The following EYA1 variants were observed in gnomAD, a reference collection of about 807,000 sequenced individuals.
EYA1 encodes the protein protein phosphatase EYA1.
In EYA1, 16 loss-of-function variants were observed where a neutral mutation model predicts 82.0. The observed-to-expected ratio is 0.20, with a 90% confidence interval of 0.13 to 0.30. The LOEUF (loss-of-function observed/expected upper bound fraction) is 0.30, where lower values mean the gene tolerates loss of function less well. EYA1 is among the 10% of genes least tolerant of loss of function. The probability of loss-of-function intolerance (pLI) is 1.00; values close to 1 mark genes in which losing one functional copy is unlikely to be tolerated. For synonymous variants in EYA1, 261 were observed against 264.4 expected, an observed-to-expected ratio of 0.99 and a Z score of 0.12; for missense variants, 633 against 730.7, an observed-to-expected ratio of 0.87 and a Z score of 1.54.
rs954928097 is a variant in EYA1, at chr8:71,299,521, G to A, written c.639+117C>T. ...AAGACTGCTAAAGTGAATTTTAAAAGAAAACTACTAAAAGCCTTAGGAAAG... is the reference window on the plus strand; with the variant it reads ...AAGACTGCTAAAGTGAATTTTAAAAAAAAACTACTAAAAGCCTTAGGAAAG... On this transcript the variant is annotated intron_variant, in intron 8 of 17. Coordinates refer to ENST00000340726, the MANE Select transcript of EYA1 (RefSeq NM_000503.6). 9.2e-6 allele frequency: 7 copies of A among 763,352 alleles called. No individual in the cohort carries two copies. In the African/African-American group the frequency reaches 1.2e-4, roughly 13 times the overall value. The allele number at this position is 763,352 out of a possible 1,614,324, so 47.3% of individuals were successfully genotyped here.
At chr8:71,229,808 T>C (rs896083854) in intron 12 of EYA1, among the ~76,000 whole-genome samples, 19 of 152,230 alleles carry the variant, frequency 1.2e-4, no homozygotes, top group African/African-American at 4.3e-4. Flanking sequence ...GATGATATCT[T>C]GGACAGAAGA....
intron 2 of EYA1, among the ~76,000 whole-genome samples, chr8:71,423,916 A>G (rs1009753128): frequency 1.2e-4 from 18 of 152,366 alleles, no homozygotes; most frequent in Non-Finnish European, 1.2e-4. Context: ...GGATCACTCC[A>G]GCTAGTAAAT....
chr8:71,237,688 T>A (rs1210314273), intron 12 of EYA1, among the ~76,000 whole-genome samples: 2 of 152,220 alleles, frequency 1.3e-5, no homozygotes, highest in Non-Finnish European at 2.9e-5. Context: ...ATTTATGCAA[T>A]ATATATTTAC....
At chr8:71,352,767 A>G (rs76627814) in intron 3 of EYA1, among the ~76,000 whole-genome samples, 5,884 of 152,314 alleles carry the variant, frequency 0.039, 353 homozygotes, top group African/African-American at 0.13. Flanking sequence ...CCTAAATATG[A>G]ATGTGATATC....
chr8:71,360,967 G>A (rs1159252159), intron 1 of EYA1, among the ~76,000 whole-genome samples: 1 of 152,112 alleles, frequency 6.6e-6, no homozygotes, highest in Non-Finnish European at 1.5e-5. Context: ...ATTTTAAATG[G>A]TAATTCAAAA....
At chr8:71,298,722 T>C (rs1036052745) in intron 9 of EYA1, among the ~76,000 whole-genome samples, 4 of 152,230 alleles carry the variant, frequency 2.6e-5, no homozygotes, top group Non-Finnish European at 4.4e-5. Context: ...TTATGCTCTA[T>C]ATGTGGTGCC....
At chr8:71,406,099 T>A (rs958553843) in intron 2 of EYA1, among the ~76,000 whole-genome samples, 1 of 152,208 alleles carries the variant, frequency 6.6e-6, no homozygotes, top group African/African-American at 2.4e-5. Context: ...CCACTACATA[T>A]GTGCAGTTTT....
At chr8:71,419,715 C>T (rs1266275550) in intron 2 of EYA1, among the ~76,000 whole-genome samples, 2 of 151,976 alleles carry the variant, frequency 1.3e-5, no homozygotes, top group Admixed American at 1.3e-4. Context: ...CTAATATTAA[C>T]ATTTTAATAT....
intron 9 of EYA1, 38 bp from the exon 10 acceptor site, chr8:71,271,935 C>T: frequency 6.2e-7 from 1 of 1,612,864 alleles, no homozygotes; most frequent in Non-Finnish European, 8.5e-7. Flanking sequence ...CTTTTATTTC[C>T]ATCACCATGG....
At chr8:71,346,431 A>AATATATATAATATATAT (rs770393582) in intron 3 of EYA1, among the ~76,000 whole-genome samples, 41 of 105,384 alleles carry the variant, frequency 3.9e-4, no homozygotes, top group African/African-American at 1.4e-3. Context: ...TACTGCAGTG[A>AATATATATAATATATAT]ATATATATAT....
At chr8:71,317,764 A>C (rs923872273) in intron 6 of EYA1, 75 bp from the exon 7 acceptor site, 8 of 1,397,658 alleles carry the variant, frequency 5.7e-6, no homozygotes, top group Non-Finnish European at 8.1e-6. Context: ...ATACACTTCC[A>C]CAACCGTTTA....
At chr8:71,530,533 G>C (rs1185497611) in intron 2 of EYA1, among the ~76,000 whole-genome samples, 1 of 152,108 alleles carries the variant, frequency 6.6e-6, no homozygotes, top group Non-Finnish European at 1.5e-5. Context: ...TTATCTAAAA[G>C]TTTCACTTAC....
At chr8:71,283,175 C>G (rs544247822) in intron 9 of EYA1, among the ~76,000 whole-genome samples, 1 of 152,100 alleles carries the variant, frequency 6.6e-6, no homozygotes, top group Non-Finnish European at 1.5e-5. Context: ...GACTTCTTTG[C>G]TCTTGCTGAA....
At chr8:71,382,975 TA>T (rs1379661523) in intron 2 of EYA1, among the ~76,000 whole-genome samples, 1 of 152,122 alleles carries the variant, frequency 6.6e-6, no homozygotes, top group Non-Finnish European at 1.5e-5. Context: ...AATTGTGCTT[TA>T]AAAAATTCTA....
At chr8:71,506,317 A>G (rs1812189843) in intron 2 of EYA1, among the ~76,000 whole-genome samples, 1 of 152,234 alleles carries the variant, frequency 6.6e-6, no homozygotes, top group Admixed American at 6.5e-5. Flanking sequence ...AAGGTTTGCC[A>G]AGGAGGCAAG....
intron 2 of EYA1, among the ~76,000 whole-genome samples, chr8:71,464,933 C>G (rs1808668170): frequency 6.6e-6 from 1 of 152,172 alleles, no homozygotes; most frequent in South Asian, 2.1e-4. Context: ...AAGATTACAA[C>G]TTCCCCCTGA....
At chr8:71,223,567 G>A (rs934529214) in intron 12 of EYA1, among the ~76,000 whole-genome samples, 3 of 152,208 alleles carry the variant, frequency 2.0e-5, no homozygotes, top group Non-Finnish European at 4.4e-5. Flanking sequence ...CCCAGTTCTG[G>A]TGTAGGTATA....
chr8:71,376,018 G>T, intron 2 of EYA1, among the ~76,000 whole-genome samples: 1 of 152,162 alleles, frequency 6.6e-6, no homozygotes, highest in Non-Finnish European at 1.5e-5. Flanking sequence ...CTGCTCCTAT[G>T]TATGGTGCAT....
At chr8:71,491,253 TA>T (rs922389029) in intron 2 of EYA1, among the ~76,000 whole-genome samples, 14 of 152,020 alleles carry the variant, frequency 9.2e-5, no homozygotes, top group Admixed American at 3.9e-4. Flanking sequence ...TTTATTTTTT[TA>T]AAAAAAGCAC....
Sources: gnomAD v4.1 joint callset for allele counts (sites outside exome capture counted in the v4.1 genomes callset) on GRCh38, gnomAD v4.1.1 for gene constraint, MANE v1.5 for transcripts, NCBI Gene and HGNC (gene_info 2026-07-23, HGNC 2026-07-21) for gene names.